Variants in TDRD5 observed in about 807,000 individuals in gnomAD.
The protein encoded by TDRD5 is tudor domain containing 5.
In TDRD5, 41 loss-of-function variants were observed where a neutral mutation model predicts 120.6. The observed-to-expected ratio is 0.34, with a 90% confidence interval of 0.26 to 0.44. The LOEUF is 0.44. Ranked by LOEUF, TDRD5 falls within the 20% of genes least tolerant of loss-of-function variation. TDRD5 has a pLI of 1.00. For missense variants in TDRD5, 1,006 were observed against 1,221.2 expected (o/e 0.82, Z 2.63); for synonymous variants, 430 against 433.7 (o/e 0.99, Z 0.11).
At chr1:179,650,792 T>C in intron 11 of TDRD5, 75 bp from the exon 12 acceptor site, 1 of 1,450,418 alleles carries the variant, frequency 6.9e-7, no homozygotes, top group South Asian at 1.2e-5. Flanking sequence ...TTCATCAGAA[T>C]TCATTGTTGT....
intron 17 of TDRD5, among the ~76,000 whole-genome samples, chr1:179,681,372 C>G (rs575745017): frequency 6.6e-6 from 1 of 152,056 alleles, no homozygotes; most frequent in African/African-American, 2.4e-5. Flanking sequence ...TAGCTATTGT[C>G]GTTTTACTTT....
chr1:179,677,485 T>C (rs537167284), intron 17 of TDRD5, among the ~76,000 whole-genome samples: 2 of 152,274 alleles, frequency 1.3e-5, no homozygotes, highest in Non-Finnish European at 2.9e-5. Flanking sequence ...GTAGAGTATA[T>C]AAGAGGGGAG....
In TDRD5 at chr1:179,635,677, C is replaced by T; in HGVS notation, c.1310C>T (p.Thr437Ile). Residue 437 changes from threonine (T) to isoleucine (I), a missense_variant, in exon 9 of 18, where the codon ACA becomes ATA. By Grantham distance (89) the Thr-to-Ile change is moderately conservative (BLOSUM62 -1). Transcript: ENST00000444136. ...TTTTCTAACTTATAGCAAGTAGAAA[C>T]AAACAAATCAGAGCTCAACTTGGCA... ...VVKPLQLQVE[T>I]NKSELNLAMA... 6.2e-7 allele frequency: 1 copy of T among 1,612,944 alleles called. No homozygotes were observed. The highest frequency in any genetic ancestry group is 8.5e-7 in the Non-Finnish European group (1 of 1,179,654).
In TDRD5 at chr1:179,663,390, TG is replaced by T; in HGVS notation, c.2550del (p.Trp850CysfsTer7). On this transcript the variant is annotated frameshift_variant, in exon 16 of 18. Coordinates refer to ENST00000444136, the MANE Select transcript of TDRD5 (RefSeq NM_001199085.3). LOFTEE classifies it high-confidence loss of function. Reference sequence around the variant, plus strand: ...CCCTAAAGATACATGGGATGATTCTTGGCAGCCTTCAGGCCTTGTAAATGGA... The same window carrying T: ...CCCTAAAGATACATGGGATGATTCTTGCAGCCTTCAGGCCTTGTAAATGGA... ...STPKDTWDDS[W>X]QPSGLVNGTK... 1 of 1,613,812 alleles carries T rather than the reference TG, an allele frequency of 6.2e-7. No individual in the cohort carries two copies. The highest frequency in any genetic ancestry group is 2.2e-5 in the East Asian group (1 of 44,856).
At chr1:179,595,914 CTG>C in intron 4 of TDRD5, 96 bp downstream of exon 4, 1 of 1,237,080 alleles carries the variant, frequency 8.1e-7, no homozygotes, top group South Asian at 1.9e-5. Context: ...CTTTTAAAAA[CTG>C]AAGTCATTCA....
rs181310029 is a variant in TDRD5 at position 179,688,575 on chromosome 1, A to G, written c.2861-2121A>G. 2.2e-3 allele frequency among the ~76,000 whole-genome samples: 338 copies of G among 152,244 alleles called. 6 individuals are homozygous for G. The highest frequency in any genetic ancestry group is 7.7e-3 in the African/African-American group (319 of 41,538). On this transcript the variant is annotated intron_variant, in intron 17 of 17. Coordinates refer to ENST00000444136, the MANE Select transcript of TDRD5 (RefSeq NM_001199085.3). ...TTTGTGGTGTTCTCTGTGTTTCCTG[A>G]ATTTGAATGTTGGCCTGCCTTGCTA...
intron 4 of TDRD5, among the ~76,000 whole-genome samples, chr1:179,612,708 G>C (rs140167425): frequency 6.6e-6 from 1 of 152,202 alleles, no homozygotes; most frequent in East Asian, 1.9e-4. Context: ...GCGGAGGTGG[G>C]TGGATCATTT....
rs147309264 is a variant in TDRD5 at position 179,652,118 on chromosome 1, G to T, written c.2081G>T (p.Gly694Val). Residue 694 changes from glycine to valine, a missense_variant, in exon 13 of 18, where the codon GGT (glycine) becomes GTT (valine). Physicochemically the swap from Gly to Val is moderately radical, Grantham distance 109 (BLOSUM62 -3). Transcript: ENST00000444136. ...GPEDIVLTEL[G>V]YPSQQHYFNE... ...GAGGACATTGTCTTGACAGAACTGG[G>T]TTATCCTTCCCAGCAGCACTATTTT... 5.0e-4 allele frequency: 801 copies of T among 1,613,998 alleles called. 6 individuals are homozygous for T. In the African/African-American group the frequency reaches 9.5e-3, roughly 19 times the overall value.
Position 179,655,394 on chromosome 1 carries a change from ACT to A in TDRD5, c.2322+1033_2322+1034del, listed in dbSNP as rs541885589. On this transcript the variant is annotated intron_variant, in intron 14 of 17. Transcript: ENST00000444136. ...ACGGCTTGGCCAAGTATTATAGTAC[ACT>A]GTTACACCTTTTTTTCCCTTGCATA... is the stretch of plus-strand genomic sequence containing the variant. 4.7e-3 allele frequency among the ~76,000 whole-genome samples: 712 copies of A among 152,306 alleles called. 1 individual carries two copies. Among genetic ancestry groups the A allele is most frequent in the South Asian group, 1.0e-2 (48 of 4,822 alleles).
At chr1:179,622,257 C>T (rs1273595617) in intron 6 of TDRD5, among the ~76,000 whole-genome samples, 2 of 152,040 alleles carry the variant, frequency 1.3e-5, no homozygotes, top group African/African-American at 4.8e-5. Context: ...AGCTGTTGCC[C>T]ATCAAAGGGT....
At chr1:179,686,589 A>G (rs551953466) in intron 17 of TDRD5, among the ~76,000 whole-genome samples, 4 of 152,102 alleles carry the variant, frequency 2.6e-5, no homozygotes, top group East Asian at 1.9e-4. Flanking sequence ...CTCTTTTTCT[A>G]TTGATTGAAA....
intron 17 of TDRD5, among the ~76,000 whole-genome samples, chr1:179,675,273 A>ATTTTTTTTTTTTTTTTTTTTTT (rs1172444253): frequency 1.5e-5 from 1 of 66,626 alleles, no homozygotes; most frequent in African/African-American, 5.4e-5. Flanking sequence ...TATTATTATT[A>ATTTTTTTTTTTTTTTTTTTTTT]TTTTTTTTTT....
chr1:179,621,893 A>G (rs112764262), intron 6 of TDRD5, among the ~76,000 whole-genome samples: 1 of 152,194 alleles, frequency 6.6e-6, no homozygotes, highest in East Asian at 1.9e-4. Flanking sequence ...CCAGTAATAG[A>G]TGGAGCCAAG....
At chr1:179,622,186 G>A (rs977968145) in intron 6 of TDRD5, among the ~76,000 whole-genome samples, 6 of 152,292 alleles carry the variant, frequency 3.9e-5, no homozygotes, top group African/African-American at 1.4e-4. Flanking sequence ...AACTGCACAT[G>A]CTTGGGGCAG....
At chr1:179,607,354 G>T (rs1440517818) in intron 4 of TDRD5, among the ~76,000 whole-genome samples, 1 of 152,026 alleles carries the variant, frequency 6.6e-6, no homozygotes, top group Non-Finnish European at 1.5e-5. Context: ...CTACATAGAT[G>T]ATGTGATCTG....
At chr1:179,631,316 C>T (rs375349445) in intron 7 of TDRD5, among the ~76,000 whole-genome samples, 15 of 152,232 alleles carry the variant, frequency 9.9e-5, no homozygotes, top group Non-Finnish European at 1.8e-4. Flanking sequence ...GGCATGAACC[C>T]GGGAGGCGGA....
At chr1:179,606,342 A>G (rs931690133) in intron 4 of TDRD5, among the ~76,000 whole-genome samples, 1 of 151,584 alleles carries the variant, frequency 6.6e-6, no homozygotes, top group African/African-American at 2.4e-5. Flanking sequence ...GTTTTTAATA[A>G]TAGTCTTTTA....
intron 4 of TDRD5, among the ~76,000 whole-genome samples, chr1:179,609,524 G>T (rs1445000836): frequency 6.6e-6 from 1 of 152,020 alleles, no homozygotes; most frequent in African/African-American, 2.4e-5. Flanking sequence ...TTCAACCTAT[G>T]CCTTAATCTT....
chr1:179,688,943 A>G (rs1313403082), intron 17 of TDRD5, among the ~76,000 whole-genome samples: 1 of 152,132 alleles, frequency 6.6e-6, no homozygotes, highest in Non-Finnish European at 1.5e-5. Context: ...TTAGCCATTC[A>G]TCTAATCTTT....
Sources: allele counts gnomAD v4.1 joint callset (sites outside exome capture counted in the v4.1 genomes callset), GRCh38; gene constraint gnomAD v4.1.1; transcripts MANE v1.5; gene names NCBI Gene and HGNC (gene_info 2026-07-23, HGNC 2026-07-21).